KCNH5: variants seen among roughly 807,000 people sequenced by gnomAD.
KCNH5 encodes voltage-gated delayed rectifier potassium channel KCNH5.
In KCNH5, 46 loss-of-function variants were observed where a neutral mutation model predicts 96.1. That is an observed-to-expected ratio of 0.48 (90% CI 0.38 to 0.61). KCNH5 has a LOEUF of 0.61. Ranked by LOEUF, KCNH5 falls within the 20% of genes least tolerant of loss-of-function variation. KCNH5 has a pLI of 0.00. For missense variants in KCNH5, 907 were observed against 1,225.8 expected, an observed-to-expected ratio of 0.74 and a Z score of 3.88; for synonymous variants, 439 against 449.8, an observed-to-expected ratio of 0.98 and a Z score of 0.30.
At chr14:63,015,878 C>A (rs1891318097) in intron 2 of KCNH5, among the ~76,000 whole-genome samples, 1 of 151,708 alleles carries the variant, frequency 6.6e-6, no homozygotes, top group Non-Finnish European at 1.5e-5. Context: ...CTGTTCAAAC[C>A]AGTGTTGTTC....
At chr14:62,883,169 C>A (rs1250541725) in intron 7 of KCNH5, among the ~76,000 whole-genome samples, 1 of 152,166 alleles carries the variant, frequency 6.6e-6, no homozygotes, top group African/African-American at 2.4e-5. Flanking sequence ...AGTTATCTTT[C>A]TTTTCCCACA....
At chr14:62,872,560 G>A (rs527548851) in intron 7 of KCNH5, among the ~76,000 whole-genome samples, 1 of 152,200 alleles carries the variant, frequency 6.6e-6, no homozygotes, top group African/African-American at 2.4e-5. Flanking sequence ...GGGCGTGGTG[G>A]CATGTGCCTG....
Position 62,707,726 on chromosome 14 carries a change from GTTCGTGTTTGAC to G in KCNH5, c.2737_2748del (p.Val913_Glu916del), listed in dbSNP as rs1276624645. On this transcript the variant is annotated inframe_deletion, in exon 11 of 11. Transcript: ENST00000322893. ...CTGAGCAGCTGGATGTCCTCTTTGA[GTTCGTGTTTGAC>G]TTCCTGCAGTGTGGTCTGTAAGGCC... is the stretch of plus-strand genomic sequence containing the variant. The G allele has an allele frequency of 1.2e-6, 2 of 1,609,530 alleles. No individual in the cohort carries two copies. Among genetic ancestry groups the G allele is most frequent in the East Asian group, 4.5e-5 (2 of 44,672 alleles).
intron 8 of KCNH5, among the ~76,000 whole-genome samples, chr14:62,843,192 T>C (rs1289152139): frequency 6.6e-6 from 1 of 152,180 alleles, no homozygotes; most frequent in Non-Finnish European, 1.5e-5. Flanking sequence ...CCATCATGCT[T>C]ATCTCCTGGT....
At chr14:62,922,534 A>G (rs1889398842) in intron 7 of KCNH5, among the ~76,000 whole-genome samples, 1 of 152,054 alleles carries the variant, frequency 6.6e-6, no homozygotes, top group African/African-American at 2.4e-5. Context: ...ATGAACATAG[A>G]TGCAAAAACC....
intron 10 of KCNH5, among the ~76,000 whole-genome samples, chr14:62,734,519 A>G (rs1885116522): frequency 6.6e-6 from 1 of 152,032 alleles, no homozygotes; most frequent in Admixed American, 6.6e-5. Flanking sequence ...ACTTTGGCCA[A>G]GTGTTTCAGG....
chr14:62,836,149 T>C (rs1371767078), intron 8 of KCNH5, among the ~76,000 whole-genome samples: 1 of 152,110 alleles, frequency 6.6e-6, no homozygotes, highest in East Asian at 1.9e-4. Context: ...AATCTATTCA[T>C]TAAAGTGATA....
chr14:62,796,722 C>A (rs113720928), intron 9 of KCNH5, among the ~76,000 whole-genome samples: 9 of 152,214 alleles, frequency 5.9e-5, no homozygotes, highest in African/African-American at 2.2e-4. Context: ...GAAGTCCTGA[C>A]GACATGTGCC....
At chr14:62,749,539 G>C (rs1885450976) in intron 10 of KCNH5, among the ~76,000 whole-genome samples, 1 of 152,196 alleles carries the variant, frequency 6.6e-6, no homozygotes, top group South Asian at 2.1e-4. Context: ...CTTAGGAGGG[G>C]AAGGGAGTCT....
chr14:62,755,057 C>T (rs72625623), intron 10 of KCNH5, among the ~76,000 whole-genome samples: 8,661 of 150,436 alleles, frequency 0.058, 391 homozygotes, highest in East Asian at 0.24. Context: ...ACTAGAAAAG[C>T]AAGAGAAAAC....
At chr14:62,863,176 T>G (rs904200289) in intron 7 of KCNH5, among the ~76,000 whole-genome samples, 2 of 152,162 alleles carry the variant, frequency 1.3e-5, no homozygotes, top group Non-Finnish European at 2.9e-5. Flanking sequence ...TCTAATGAGG[T>G]CCTTACATCT....
intron 10 of KCNH5, among the ~76,000 whole-genome samples, chr14:62,757,606 T>A (rs12882073): frequency 6.7e-6 from 1 of 149,882 alleles, no homozygotes; most frequent in African/African-American, 2.4e-5. Flanking sequence ...GTAGTACTAT[T>A]CAGCCAAAAA....
intron 7 of KCNH5, among the ~76,000 whole-genome samples, chr14:62,922,278 G>A (rs1247835962): frequency 6.6e-6 from 1 of 151,898 alleles, no homozygotes; most frequent in East Asian, 1.9e-4. Context: ...TTATCTGTAT[G>A]TGTATCCATC....
intron 8 of KCNH5, among the ~76,000 whole-genome samples, chr14:62,824,408 A>C (rs751835479): frequency 6.6e-6 from 1 of 152,086 alleles, no homozygotes; most frequent in Non-Finnish European, 1.5e-5. Flanking sequence ...AGGGCCTACA[A>C]GGTAAGAGGA....
At chr14:62,979,844 T>C (rs1478115448) in intron 6 of KCNH5, among the ~76,000 whole-genome samples, 2 of 152,184 alleles carry the variant, frequency 1.3e-5, no homozygotes, top group African/African-American at 4.8e-5. Context: ...CTAGGTGCAC[T>C]GATAACACTG....
intron 7 of KCNH5, among the ~76,000 whole-genome samples, chr14:62,892,244 G>C (rs941236185): frequency 2.0e-5 from 3 of 152,174 alleles, no homozygotes; most frequent in Non-Finnish European, 4.4e-5. Context: ...AAGAGAAACA[G>C]CTTTATCGCT....
intron 3 of KCNH5, among the ~76,000 whole-genome samples, chr14:63,002,709 T>G (rs1276969638): frequency 2.0e-5 from 3 of 152,180 alleles, no homozygotes; most frequent in African/African-American, 7.2e-5. Flanking sequence ...ATGAGATAAC[T>G]ACCAGGCTCA....
intron 9 of KCNH5, among the ~76,000 whole-genome samples, chr14:62,799,744 C>CACACAT (rs1886619298): frequency 1.6e-5 from 2 of 122,604 alleles, no homozygotes; most frequent in African/African-American, 5.9e-5. Flanking sequence ...CACACACACA[C>CACACAT]ATATCAGGGT....
At chr14:62,879,279 CAA>C (rs1888445952) in intron 7 of KCNH5, among the ~76,000 whole-genome samples, 1 of 152,126 alleles carries the variant, frequency 6.6e-6, no homozygotes, top group Non-Finnish European at 1.5e-5. Context: ...CAAATTGGTA[CAA>C]TCACTTTGCA....
Sources: gnomAD v4.1 joint callset for allele counts (sites outside exome capture counted in the v4.1 genomes callset) on GRCh38, gnomAD v4.1.1 for gene constraint, MANE v1.5 for transcripts, NCBI Gene and HGNC (gene_info 2026-07-23, HGNC 2026-07-21) for gene names.